The following PTPRU variants were observed in gnomAD, a reference collection of about 807,000 sequenced individuals.
The protein encoded by PTPRU is protein tyrosine phosphatase receptor type U.
PTPRU carries 69 observed loss-of-function variants against 166.3 expected under a neutral mutation model. The observed-to-expected ratio is 0.41, with a 90% CI of 0.34 to 0.51. PTPRU has a LOEUF of 0.51. PTPRU is among the 20% of genes least tolerant of loss of function. The pLI is 0.09. For synonymous variants in PTPRU, 793 were observed against 814.0 expected, an observed-to-expected ratio of 0.97 and a Z score of 0.44; for missense variants, 1,657 against 2,013.7, an observed-to-expected ratio of 0.82 and a Z score of 3.39.
intron 15 of PTPRU, among the ~76,000 whole-genome samples, chr1:29,300,276 A>C (rs111608128): frequency 6.6e-6 from 1 of 152,192 alleles, no homozygotes; most frequent in African/African-American, 2.4e-5. Context: ...TTCATGAAAC[A>C]AACAAGAAAA....
At chr1:29,299,037 A>C (rs1169186520) in intron 15 of PTPRU, among the ~76,000 whole-genome samples, 4 of 152,214 alleles carry the variant, frequency 2.6e-5, no homozygotes, top group Non-Finnish European at 4.4e-5. Context: ...CACATTGAAT[A>C]ACTGGGGGCC....
At chr1:29,310,651 G>T in intron 18 of PTPRU, 93 bp from the exon 19 acceptor site, 1 of 1,344,912 alleles carries the variant, frequency 7.4e-7, no homozygotes, top group Non-Finnish European at 1.1e-6. Flanking sequence ...GGTGGGGTAG[G>T]GGTTCTGCTG....
chr1:29,245,159 C>T (rs1684236427), intron 1 of PTPRU, among the ~76,000 whole-genome samples: 1 of 152,180 alleles, frequency 6.6e-6, no homozygotes, highest in Non-Finnish European at 1.5e-5. Context: ...GAGAGCTTTA[C>T]CAGCAGAATT....
intron 1 of PTPRU, among the ~76,000 whole-genome samples, chr1:29,242,241 G>A (rs1558541745): frequency 6.6e-6 from 1 of 152,126 alleles, no homozygotes; most frequent in Non-Finnish European, 1.5e-5. Context: ...TGTGACCTAT[G>A]GTGGTGTCCA....
intron 8 of PTPRU, among the ~76,000 whole-genome samples, chr1:29,277,780 C>CATCTGGCT (rs1249375410): frequency 7.2e-6 from 1 of 138,616 alleles, no homozygotes; most frequent in Admixed American, 7.5e-5. Flanking sequence ...CTAACCTGAC[C>CATCTGGCT]ATCTGGCTTC....
At chr1:29,325,506 T>C in intron 29 of PTPRU, 93 bp from the exon 30 acceptor site, 1 of 1,517,018 alleles carries the variant, frequency 6.6e-7, no homozygotes, top group Non-Finnish European at 9.1e-7. Context: ...GGGCTCGGGC[T>C]CGTGCTTGCC....
intron 28 of PTPRU, 115 bp downstream of exon 28, chr1:29,323,903 G>T: frequency 7.7e-7 from 1 of 1,302,810 alleles, no homozygotes. Context: ...CGAAACCCCT[G>T]GGCTCTTAGA....
chr1:29,255,676 A>G (rs1219369300), intron 2 of PTPRU, among the ~76,000 whole-genome samples: 16 of 152,258 alleles, frequency 1.1e-4, no homozygotes, highest in Non-Finnish European at 2.2e-4. Context: ...CTAGCTCAGG[A>G]TCCAAACCAC....
At chr1:29,264,820 C>T (rs1187377740) in intron 7 of PTPRU, among the ~76,000 whole-genome samples, 1 of 152,062 alleles carries the variant, frequency 6.6e-6, no homozygotes, top group Non-Finnish European at 1.5e-5. Flanking sequence ...GTATGTAGAT[C>T]TTTATTACCA....
rs1417761202 is a variant in PTPRU, at chr1:29,258,637, G to A, written c.338G>A (p.Ser113Asn). ...SYFLYSRDGH[S>N]PGTLGVYVRV... Reference sequence around the variant, plus strand: ...TTCCTGTACAGCCGGGACGGGCACAGCCCGGGCACCCTGGGCGTCTACGTG... The same window carrying A: ...TTCCTGTACAGCCGGGACGGGCACAACCCGGGCACCCTGGGCGTCTACGTG... The change falls in exon 3 of 30, where the codon AGC becomes AAC. Residue 113 changes from serine (S) to asparagine (N), a missense_variant. Coordinates refer to ENST00000373779, the MANE Select transcript of PTPRU (RefSeq NM_133178.4). The A allele has an allele frequency of 6.2e-7, 1 of 1,614,266 alleles. No individual in the cohort carries two copies.
At chr1:29,309,809 C>T (rs1254291399) in intron 18 of PTPRU, among the ~76,000 whole-genome samples, 1 of 152,220 alleles carries the variant, frequency 6.6e-6, no homozygotes, top group Non-Finnish European at 1.5e-5. Context: ...GGGAAGTTCA[C>T]GAGACCGGAG....
chr1:29,245,427 C>T (rs999947106), intron 1 of PTPRU, among the ~76,000 whole-genome samples: 4 of 152,150 alleles, frequency 2.6e-5, no homozygotes, highest in Non-Finnish European at 4.4e-5. Flanking sequence ...CTCCCCTCTC[C>T]TCCAGTGCAT....
Position 29,259,243 on chromosome 1 carries a change from C to A in PTPRU, c.478-18C>A, listed in dbSNP as rs772325954. 8.7e-6 allele frequency: 14 copies of A among 1,607,586 alleles called. 1 individual carries two copies. The East Asian group carries it at 1.8e-4, about 21-fold the overall frequency. On this transcript the variant is annotated intron_variant, in intron 3 of 29. Coordinates refer to ENST00000373779, the MANE Select transcript of PTPRU (RefSeq NM_133178.4). Reference sequence around the variant, plus strand: ...TGGAGGAATATCAGTATGATAGGGGCCCTCCCGCCTCCCCCAGGTGCTGTT... The same window carrying A: ...TGGAGGAATATCAGTATGATAGGGGACCTCCCGCCTCCCCCAGGTGCTGTT...
chr1:29,323,221 G>A, intron 26 of PTPRU, 150 bp from the exon 27 acceptor site: 1 of 1,038,698 alleles, frequency 9.6e-7, no homozygotes, highest in Non-Finnish European at 1.4e-6. Flanking sequence ...GGTGATTGGG[G>A]GAGCTGCTGA....
rs1687844810 is a variant in PTPRU, at chr1:29,315,243, G to C, written c.3228-129G>C. On this transcript the variant is annotated intron_variant, in intron 22 of 29. Transcript: ENST00000373779. This position sits in a 1 kb window ranked among gnomAD's most constrained non-coding sequence, Gnocchi z 4.5. ...GCGTCCTGGCTCCTTACTCGGGGAG[G>C]GGCAGTCATCTCTGTGTCCGTGTCC... 8.6e-7 allele frequency: 1 copy of C among 1,162,008 alleles called. No individual in the cohort carries two copies. The highest frequency in any genetic ancestry group is 1.2e-6 in the Non-Finnish European group (1 of 821,248). The allele number at this position is 1,162,008 out of a possible 1,614,324, so 72.0% of individuals were successfully genotyped here.
chr1:29,308,794 C>T (rs563864064), intron 18 of PTPRU, among the ~76,000 whole-genome samples: 26 of 151,790 alleles, frequency 1.7e-4, no homozygotes, highest in African/African-American at 5.3e-4. Flanking sequence ...GAGGCTGAGG[C>T]GGGAGGATTG....
At chr1:29,252,028 G>T (rs1053952952) in intron 1 of PTPRU, among the ~76,000 whole-genome samples, 4 of 152,188 alleles carry the variant, frequency 2.6e-5, no homozygotes, top group Middle Eastern at 3.2e-3. Flanking sequence ...TACAGATGGG[G>T]TTAATACCCA....
chr1:29,304,684 C>A lies in PTPRU; in HGVS notation c.2668-90C>A, dbSNP rs925670821. Reference sequence around the variant, plus strand: ...TGAATCTGGCCCTTATCATCCCACCCCCATCCTGCCTACATCATCCCCACT... The same window carrying A: ...TGAATCTGGCCCTTATCATCCCACCACCATCCTGCCTACATCATCCCCACT... On this transcript the variant is annotated intron_variant, in intron 16 of 29. Coordinates refer to ENST00000373779, the MANE Select transcript of PTPRU (RefSeq NM_133178.4). 5 of 983,108 alleles carry A rather than the reference C, an allele frequency of 5.1e-6. No homozygotes were observed. The African/African-American group carries it at 6.5e-5, about 13-fold the overall frequency. The allele number at this position is 983,108 out of a possible 1,614,324, so 60.9% of individuals were successfully genotyped here.
intron 2 of PTPRU, among the ~76,000 whole-genome samples, chr1:29,258,256 C>T (rs567236250): frequency 3.9e-5 from 6 of 152,334 alleles, no homozygotes; most frequent in Non-Finnish European, 8.8e-5. Flanking sequence ...TGAGCCACCG[C>T]GCCCAGCCTT....
Sources: gnomAD v4.1 joint callset for allele counts (sites outside exome capture counted in the v4.1 genomes callset) on GRCh38, gnomAD v4.1.1 for gene constraint, Gnocchi (gnomAD v3.1) non-coding constraint, MANE v1.5 for transcripts, NCBI Gene and HGNC (gene_info 2026-07-23, HGNC 2026-07-21) for gene names.